Variants in SPINK9 observed in about 807,000 individuals in gnomAD.
SPINK9 encodes the protein serine protease inhibitor Kazal-type 9.
In SPINK9, 3 loss-of-function variants were observed where a neutral mutation model predicts 10.8. The observed-to-expected ratio is 0.28, with a 90% CI of 0.13 to 0.72. SPINK9 has a LOEUF of 0.72. Ranked by LOEUF, SPINK9 falls within the 30% of genes least tolerant of loss-of-function variation. The pLI, the probability that SPINK9 is intolerant of heterozygous loss-of-function variation, is 0.74. For missense variants in SPINK9, 101 were observed against 103.2 expected, an observed-to-expected ratio of 0.98 and a Z score of 0.09; for synonymous variants, 30 against 31.2, an observed-to-expected ratio of 0.96 and a Z score of 0.12.
At chr5:148,329,897 C>A (rs1757123757) in intron 2 of SPINK9, among the ~76,000 whole-genome samples, 1 of 152,126 alleles carries the variant, frequency 6.6e-6, no homozygotes, top group South Asian at 2.1e-4. Context: ...TGTTCTTTTA[C>A]ATTTGCTGAG....
chr5:148,338,206 T>G (rs1331627941), intron 2 of SPINK9, among the ~76,000 whole-genome samples: 1 of 152,118 alleles, frequency 6.6e-6, no homozygotes, highest in Non-Finnish European at 1.5e-5. Flanking sequence ...TTTTAAGAAC[T>G]GATACATCAA....
intron 2 of SPINK9, among the ~76,000 whole-genome samples, chr5:148,338,093 T>C (rs891260870): frequency 1.9e-4 from 29 of 152,232 alleles, no homozygotes; most frequent in African/African-American, 6.5e-4. Context: ...CATATTGAGC[T>C]TTTTCAGTGA....
chr5:148,332,941 AT>A (rs35803954), upstream of SPINK9, among the ~76,000 whole-genome samples: 51,438 of 151,770 alleles, frequency 0.34, 9,717 homozygotes, highest in African/African-American at 0.52. Context: ...TTATACAGTA[AT>A]TTTTTTTTAA....
upstream of SPINK9, among the ~76,000 whole-genome samples, chr5:148,333,329 G>A (rs567903118): frequency 2.3e-4 from 35 of 152,296 alleles, no homozygotes; most frequent in Admixed American, 1.7e-3. Context: ...TCTTGGTTTC[G>A]TGCAGGAAAG....
At position 148,338,500 on chromosome 5, in the gene SPINK9, A is replaced by C. The variant is rs1215944613; in HGVS notation, c.110A>C (p.Lys37Thr). The C allele has an allele frequency of 1.2e-6, 2 of 1,604,444 alleles. No homozygotes were observed. The highest frequency in any genetic ancestry group is 4.5e-5 in the East Asian group (2 of 44,602). The change falls in exon 3 of 4, where the codon AAG (lysine) becomes ACG (threonine). Residue 37 changes from lysine to threonine, a missense_variant. Transcript: ENST00000377906. Reference sequence around the variant, plus strand: ...CAGGTTGACTGCAGTCATTATAAAAAGTTACCACCAGGACAACAGAGATTT... The same window carrying C: ...CAGGTTGACTGCAGTCATTATAAAACGTTACCACCAGGACAACAGAGATTT... ...KQMVDCSHYK[K>T]LPPGQQRFCH...
chr5:148,325,911 A>G (rs7727886), intron 2 of SPINK9, among the ~76,000 whole-genome samples: 51,608 of 151,964 alleles, frequency 0.34, 9,756 homozygotes, highest in African/African-American at 0.52. Context: ...TATATGTGGT[A>G]TCTTATGTTA....
In SPINK9 at chr5:148,335,653, C is replaced by T; in HGVS notation, c.40C>T (p.Leu14Phe). The change falls in exon 1 of 4, where the codon CTT becomes TTT. Residue 14 changes from leucine to phenylalanine, a missense_variant. By Grantham distance (22) the Leu-to-Phe change is conservative. Coordinates refer to ENST00000377906, the MANE Select transcript of SPINK9 (RefSeq NM_001040433.2). ...CATAGTCCTACTCTTGGCTCTGACA[C>T]TTGCAACCATGTTCAGTGAGTATCT... is the stretch of plus-strand genomic sequence containing the variant. Reference protein sequence around the residue: ...TAIVLLLALTLATMFSIECAK... With the variant: ...TAIVLLLALTFATMFSIECAK... 1 of 1,613,694 alleles carries T rather than the reference C, an allele frequency of 6.2e-7. No individual in the cohort carries two copies. The highest frequency in any genetic ancestry group is 8.5e-7 in the Non-Finnish European group (1 of 1,179,846).
intron 2 of SPINK9, among the ~76,000 whole-genome samples, chr5:148,326,829 C>G (rs1199593770): frequency 9.9e-5 from 15 of 152,094 alleles, no homozygotes; most frequent in Admixed American, 5.2e-4. Context: ...CATGTCCCTA[C>G]AAAGGACATG....
intron 2 of SPINK9, among the ~76,000 whole-genome samples, chr5:148,330,391 A>C (rs1410220139): frequency 6.6e-6 from 1 of 151,964 alleles, no homozygotes; most frequent in Admixed American, 6.6e-5. Flanking sequence ...TTTTGAGCCT[A>C]TGTGTTTGTC....
chr5:148,334,777 C>T (rs1048829726), upstream of SPINK9, among the ~76,000 whole-genome samples: 8 of 151,686 alleles, frequency 5.3e-5, no homozygotes, highest in Admixed American at 3.9e-4. Flanking sequence ...TGGACTGTGG[C>T]ATATTCAAGA....
chr5:148,339,706 A>C lies in SPINK9; in HGVS notation c.255A>C (p.Lys85Asn). Residue 85 changes from lysine to asparagine, a missense_variant, in exon 4 of 4, where the codon AAA becomes AAC. Physicochemically the swap from Lys to Asn is moderately conservative, Grantham distance 94. Coordinates refer to ENST00000377906, the MANE Select transcript of SPINK9 (RefSeq NM_001040433.2). ...CACTTAAATTTGTACATTTTGGAAA[A>C]TGTTAAATCTATCTTGTGAGTCCAA... Reference protein sequence around the residue: ...DGTLKFVHFGKC With the variant: ...DGTLKFVHFGNC 6.2e-7 allele frequency: 1 copy of C among 1,612,080 alleles called. No individual in the cohort carries two copies. The highest frequency in any genetic ancestry group is 1.1e-5 in the South Asian group (1 of 91,044).
chr5:148,322,446 A>G (rs574073048), intron 1 of SPINK9, among the ~76,000 whole-genome samples: 1 of 152,332 alleles, frequency 6.6e-6, no homozygotes, highest in East Asian at 1.9e-4. Context: ...GAGCCAGTCA[A>G]CAGCCTCATT....
rs186427011 is a variant in SPINK9, at chr5:148,326,287, G to A, written c.118+2419G>A. Among the ~76,000 whole-genome samples, 177 of 152,264 alleles carry A rather than the reference G, an allele frequency of 1.2e-3. 1 individual carries two copies. The highest frequency in any genetic ancestry group is 1.3e-3 in the Non-Finnish European group (86 of 68,008). On this transcript the variant is annotated intron_variant, in intron 2 of 4. Transcript: ENST00000511717. ...TGTGAGAAAAAGGAATATGTACACTGTTGGTGGGATTGTGAATTAGTACAG... is the reference window on the plus strand; with the variant it reads ...TGTGAGAAAAAGGAATATGTACACTATTGGTGGGATTGTGAATTAGTACAG...
chr5:148,322,064 T>C (rs1757005596), intron 1 of SPINK9, among the ~76,000 whole-genome samples: 1 of 152,256 alleles, frequency 6.6e-6, no homozygotes, highest in Admixed American at 6.5e-5. Flanking sequence ...CACTGAGATT[T>C]GGCAAGAAGG....
chr5:148,325,711 G>A (rs1159932741), intron 2 of SPINK9, among the ~76,000 whole-genome samples: 1 of 151,882 alleles, frequency 6.6e-6, no homozygotes, highest in Non-Finnish European at 1.5e-5. Flanking sequence ...GTCCTTTGAG[G>A]CACAAAATCT....
chr5:148,329,988 T>A (rs1326043162), intron 2 of SPINK9, among the ~76,000 whole-genome samples: 1 of 152,230 alleles, frequency 6.6e-6, no homozygotes, highest in Non-Finnish European at 1.5e-5. Flanking sequence ...TCTGTTGATT[T>A]CGGGTGGAGA....
At chr5:148,322,129 T>C (rs185564596) in intron 1 of SPINK9, among the ~76,000 whole-genome samples, 7 of 152,362 alleles carry the variant, frequency 4.6e-5, no homozygotes, top group Admixed American at 3.9e-4. Context: ...GATTTGACTT[T>C]ATACCCCATA....
chr5:148,339,694 A>G lies in SPINK9; in HGVS notation c.243A>G (p.Val81=). 1 of 1,612,726 alleles carries G rather than the reference A, an allele frequency of 6.2e-7. No homozygotes were observed. The highest frequency in any genetic ancestry group is 8.5e-7 in the Non-Finnish European group (1 of 1,179,198). Residue 81 remains valine (V), a synonymous_variant, in exon 4 of 4, where the codon GTA becomes GTG. Coordinates refer to ENST00000377906, the MANE Select transcript of SPINK9 (RefSeq NM_001040433.2). ...VKKTDGTLKF[V]HFGKC is the part of the protein sequence containing the mutation. ...AAACTGACGGCACACTTAAATTTGT[A>G]CATTTTGGAAAATGTTAAATCTATC...
chr5:148,332,162 T>C (rs1458219127), upstream of SPINK9, among the ~76,000 whole-genome samples: 1 of 152,224 alleles, frequency 6.6e-6, no homozygotes, highest in Non-Finnish European at 1.5e-5. Flanking sequence ...TCCTGACTGT[T>C]GTGTAAAGTG....
Sources: gnomAD v4.1 joint callset for allele counts (sites outside exome capture counted in the v4.1 genomes callset) on GRCh38, gnomAD v4.1.1 for gene constraint, MANE v1.5 for transcripts, NCBI Gene and HGNC (gene_info 2026-07-23, HGNC 2026-07-21) for gene names.